Variants in ZNF254 observed in about 807,000 individuals in gnomAD.
ZNF254 encodes the protein zinc finger protein 254, also known as CTD-2017D11.1.
ZNF254 carries 10 observed loss-of-function variants against 12.4 expected under a neutral mutation model. The observed-to-expected ratio is 0.80, with a 90% confidence interval of 0.50 to 1.36. The LOEUF (loss-of-function observed/expected upper bound fraction) is 1.36, where lower values mean the gene tolerates loss of function less well. ZNF254 is among the 40% of genes most tolerant of loss of function. The probability of loss-of-function intolerance (pLI) is 0.00; values close to 1 mark genes in which losing one functional copy is unlikely to be tolerated. For missense variants in ZNF254, 996 were observed against 763.9 expected (o/e 1.30, Z -3.58); for synonymous variants, 305 against 253.4 (o/e 1.20, Z -1.93).
In ZNF254 at chr19:24,127,558, T is replaced by C; in HGVS notation, c.1558T>C (p.Cys520Arg). The C allele has an allele frequency of 3.1e-6, 5 of 1,613,568 alleles. No homozygotes were observed. The highest frequency in any genetic ancestry group is 4.2e-6 in the Non-Finnish European group (5 of 1,179,844). The change falls in exon 4 of 4, where the codon TGT becomes CGT. Residue 520 changes from cysteine (C) to arginine (R), a missense_variant. Cys to Arg is a radical substitution (Grantham distance 180). Transcript: ENST00000357002. ...IIHTGEKPYKCEECGKAFNWS... is the reference protein window; with the variant it reads ...IIHTGEKPYKREECGKAFNWS... Reference sequence around the variant, plus strand: ...TCATACTGGAGAGAAACCCTACAAATGTGAAGAATGTGGCAAAGCCTTTAA... The same window carrying C: ...TCATACTGGAGAGAAACCCTACAAACGTGAAGAATGTGGCAAAGCCTTTAA...
chr19:24,084,628 G>C (rs1053834923), upstream of ZNF254, among the ~76,000 whole-genome samples: 3 of 151,774 alleles, frequency 2.0e-5, no homozygotes, highest in African/African-American at 2.4e-5. Flanking sequence ...GGCTGTTTTT[G>C]GTTTATTTTT....
intron 2 of ZNF254, among the ~76,000 whole-genome samples, chr19:24,070,622 C>T (rs1971446915): frequency 6.6e-6 from 1 of 152,146 alleles, no homozygotes; most frequent in Non-Finnish European, 1.5e-5. Context: ...AATGGTCTTG[C>T]CTCTCATACC....
At chr19:24,086,221 AAT>A (rs1972033885), upstream of ZNF254, among the ~76,000 whole-genome samples, 2 of 152,212 alleles carry the variant, frequency 1.3e-5, no homozygotes, top group Non-Finnish European at 2.9e-5. Context: ...AAAAATAAAA[AAT>A]AAAAAAAAGT....
chr19:24,060,693 G>A (rs1197185159), intron 2 of ZNF254, among the ~76,000 whole-genome samples: 2 of 152,090 alleles, frequency 1.3e-5, no homozygotes, highest in Non-Finnish European at 2.9e-5. Context: ...CAGCCCACAT[G>A]GCTTATTGTG....
chr19:24,113,020 G>A (rs1973792761), intron 3 of ZNF254, among the ~76,000 whole-genome samples: 1 of 152,182 alleles, frequency 6.6e-6, no homozygotes, highest in African/African-American at 2.4e-5. Context: ...AAAAGGAGCT[G>A]AAATTGTGGC....
chr19:24,061,952 G>T (rs1971085959), intron 2 of ZNF254, among the ~76,000 whole-genome samples: 1 of 152,070 alleles, frequency 6.6e-6, no homozygotes, highest in African/African-American at 2.4e-5. Flanking sequence ...AGGTATAGTG[G>T]CACGTGCCTG....
At chr19:24,058,704 G>A (rs1970957572) in intron 2 of ZNF254, among the ~76,000 whole-genome samples, 1 of 151,826 alleles carries the variant, frequency 6.6e-6, no homozygotes, top group Non-Finnish European at 1.5e-5. Context: ...CACCGTGCCC[G>A]GCCAGTGATG....
At chr19:24,069,570 C>T (rs1465358020) in intron 2 of ZNF254, among the ~76,000 whole-genome samples, 66 of 135,522 alleles carry the variant, frequency 4.9e-4, no homozygotes, top group African/African-American at 1.6e-3. Context: ...ACGCCACTGC[C>T]GTTCAGCCTT....
chr19:24,117,660 G>T (rs1974187220), intron 3 of ZNF254, among the ~76,000 whole-genome samples: 1 of 152,042 alleles, frequency 6.6e-6, no homozygotes, highest in South Asian at 2.1e-4. Flanking sequence ...GTGAGGTAAT[G>T]CCTAGCCCTG....
chr19:24,062,846 G>A (rs1201968769), intron 2 of ZNF254, among the ~76,000 whole-genome samples: 2 of 152,146 alleles, frequency 1.3e-5, no homozygotes, highest in East Asian at 1.9e-4. Context: ...TGTTACCGAG[G>A]CTGGAGAGCA....
intron 1 of ZNF254, among the ~76,000 whole-genome samples, chr19:24,044,876 T>C (rs1970319364): frequency 6.6e-6 from 1 of 152,216 alleles, no homozygotes; most frequent in Admixed American, 6.5e-5. Flanking sequence ...GAATTCTCTC[T>C]GGAGGAGTAA....
upstream of ZNF254, among the ~76,000 whole-genome samples, chr19:24,083,303 A>G (rs115582521): frequency 5.7e-3 from 863 of 152,298 alleles, 12 homozygotes; most frequent in African/African-American, 0.02. Flanking sequence ...AATATGTCTG[A>G]AAGGTATCAT....
chr19:24,050,011 GCA>G (rs1568426926), intron 2 of ZNF254, among the ~76,000 whole-genome samples: 1 of 151,960 alleles, frequency 6.6e-6, no homozygotes, highest in African/African-American at 2.4e-5. Flanking sequence ...TTGTGTCATG[GCA>G]CTGCCCTCAG....
rs758725233 is a variant in ZNF254 at position 24,129,028 on chromosome 19, TTTTA to T, written c.*1051_*1054del. 28 of 152,022 alleles carry T rather than the reference TTTTA, an allele frequency of 1.8e-4. No homozygotes were observed. Among genetic ancestry groups the T allele is most frequent in the Non-Finnish European group, 2.9e-4 (20 of 67,916 alleles). 9.4% of individuals were successfully genotyped at this position (152,022 alleles called of 1,614,324 possible). A position where few individuals can be genotyped will look rare whatever the true frequency, so the allele number is the denominator to read the frequency against. On this transcript the variant is annotated 3_prime_UTR_variant, in exon 4 of 4. Transcript: ENST00000357002. Reference sequence around the variant, plus strand: ...GCTGCATAAAAGATATGAGATTCTTTTTTATTAGGCATTATTTATGACCTTTTCT... The same window carrying T: ...GCTGCATAAAAGATATGAGATTCTTTTTAGGCATTATTTATGACCTTTTCT...
At position 24,087,242 on chromosome 19, in the gene ZNF254, C is replaced by T. The variant is rs1972077661; in HGVS notation, c.-66C>T. The T allele has an allele frequency of 3.1e-6, 5 of 1,607,462 alleles. No homozygotes were observed. The highest frequency in any genetic ancestry group is 1.7e-5 in the Admixed American group (1 of 59,836). On this transcript the variant is annotated 5_prime_UTR_variant, in exon 1 of 4. Transcript: ENST00000357002. ...AGGTCTGTCTTCACTGCTCTGTGTC[C>T]TCTGCTCCTAGAGGCCCAGCCTCTG...
At chr19:24,092,402 T>C (rs1374096086) in intron 1 of ZNF254, among the ~76,000 whole-genome samples, 1 of 151,740 alleles carries the variant, frequency 6.6e-6, no homozygotes, top group Non-Finnish European at 1.5e-5. Flanking sequence ...ACTCCTGACC[T>C]CAGGTGATCC....
intron 3 of ZNF254, among the ~76,000 whole-genome samples, chr19:24,117,787 C>T (rs981556061): frequency 1.3e-5 from 2 of 152,028 alleles, no homozygotes; most frequent in South Asian, 4.2e-4. Context: ...TCTTCTGCAT[C>T]ACTCACGCTG....
Position 24,129,762 on chromosome 19 carries a change from G to A in ZNF254, c.*1782G>A, listed in dbSNP as rs372301885. On this transcript the variant is annotated 3_prime_UTR_variant, in exon 4 of 4. Transcript: ENST00000357002. ...AATTTACAATGTTATTGATTACAGGGTCATTTTTATGGTCATAATAAAAAA... is the reference window on the plus strand; with the variant it reads ...AATTTACAATGTTATTGATTACAGGATCATTTTTATGGTCATAATAAAAAA... 6.6e-6 allele frequency: 1 copy of A among 151,618 alleles called. No individual in the cohort carries two copies. Among genetic ancestry groups the A allele is most frequent in the Non-Finnish European group, 1.5e-5 (1 of 67,864 alleles). 9.4% of individuals were successfully genotyped at this position (151,618 alleles called of 1,614,324 possible).
At chr19:24,115,047 A>G (rs1300308303) in intron 3 of ZNF254, among the ~76,000 whole-genome samples, 4 of 152,280 alleles carry the variant, frequency 2.6e-5, no homozygotes, top group Non-Finnish European at 5.9e-5. Flanking sequence ...GAGGATGTGG[A>G]GAAATAGGAA....
Sources: gnomAD v4.1 joint callset for allele counts (sites outside exome capture counted in the v4.1 genomes callset) on GRCh38, gnomAD v4.1.1 for gene constraint, MANE v1.5 for transcripts, NCBI Gene and HGNC (gene_info 2026-07-23, HGNC 2026-07-21) for gene names.